Variants in CDH2 observed in about 807,000 individuals in gnomAD.
CDH2 encodes the protein cadherin 2, also known as cadherin-2.
CDH2 carries 17 observed loss-of-function variants against 92.0 expected under a neutral mutation model. That is an observed-to-expected ratio of 0.18 (90% confidence interval 0.13 to 0.28). CDH2 has a LOEUF of 0.28. Ranked by LOEUF, CDH2 falls within the 10% of genes least tolerant of loss-of-function variation. CDH2 has a pLI of 1.00. For synonymous variants in CDH2, 419 were observed against 415.9 expected (o/e 1.01, Z -0.09); for missense variants, 862 against 1,133.1 (o/e 0.76, Z 3.44).
At chr18:28,156,936 TCTC>T (rs2016228861) in intron 1 of CDH2, among the ~76,000 whole-genome samples, 1 of 152,148 alleles carries the variant, frequency 6.6e-6, no homozygotes, top group Admixed American at 6.5e-5. Context: ...CAATCCCACA[TCTC>T]CTCTGCCAAA....
At chr18:27,992,869 G>C (rs1351058708) in intron 8 of CDH2, 29 bp from the exon 9 acceptor site, 1 of 1,582,848 alleles carries the variant, frequency 6.3e-7, no homozygotes, top group African/African-American at 1.3e-5. Context: ...TCAGTCAGAG[G>C]AGGGGCATGG....
Position 27,991,874 on chromosome 18 carries a change from G to A in CDH2, c.1344+781C>T, listed in dbSNP as rs140981849. On this transcript the variant is annotated intron_variant, in intron 9 of 15. Coordinates refer to ENST00000269141, the MANE Select transcript of CDH2 (RefSeq NM_001792.5). ...TTACAAATCAAGAGTGCTTAAGTGG[G>A]AGGCAAAGAAGTAAATCTCTTTACT... Among the ~76,000 whole-genome samples, 297 of 152,312 alleles carry A rather than the reference G, an allele frequency of 1.9e-3. 5 individuals are homozygous for A. Among genetic ancestry groups the A allele is most frequent in the African/African-American group, 6.9e-3 (288 of 41,576 alleles).
intron 11 of CDH2, 39 bp downstream of exon 11, chr18:27,988,483 ACT>A: frequency 6.4e-7 from 1 of 1,571,970 alleles, no homozygotes; most frequent in Non-Finnish European, 8.7e-7. Context: ...ATGAGGATCT[ACT>A]GTCTTTCATC....
intron 2 of CDH2, among the ~76,000 whole-genome samples, chr18:28,021,968 G>A (rs2013421871): frequency 6.6e-6 from 1 of 151,904 alleles, no homozygotes; most frequent in Admixed American, 6.6e-5. Context: ...CACAGCCACA[G>A]AGCAGTATTT....
At chr18:27,947,780 T>TGTGATGTAAGTAC (rs1555626724), downstream of CDH2, among the ~76,000 whole-genome samples, 6 of 2,540 alleles carry the variant, frequency 2.4e-3, no homozygotes, top group African/African-American at 2.7e-3. Flanking sequence ...GATATAAGTA[T>TGTGATGTAAGTAC]ATGTGATATA....
Position 28,085,991 on chromosome 18 carries a change from T to A in CDH2, c.172+61682A>T, listed in dbSNP as rs1188627380. Among the ~76,000 whole-genome samples, 3 of 152,170 alleles carry A rather than the reference T, an allele frequency of 2.0e-5. No homozygotes were observed. The East Asian group carries it at 5.8e-4, about 29-fold the overall frequency. On this transcript the variant is annotated intron_variant, in intron 2 of 15. Transcript: ENST00000269141. Reference sequence around the variant, plus strand: ...TAAAAATATTATCCATCTGGAATCATGCTCACCACTGTATTATAAACTTGT... The same window carrying A: ...TAAAAATATTATCCATCTGGAATCAAGCTCACCACTGTATTATAAACTTGT...
At position 28,006,898 on chromosome 18, in the gene CDH2, T is replaced by A. The variant is rs117381168; in HGVS notation, c.703-905A>T. 9.9e-3 allele frequency among the ~76,000 whole-genome samples: 1,500 copies of A among 151,452 alleles called. 10 individuals are homozygous for A. The highest frequency in any genetic ancestry group is 0.016 in the Non-Finnish European group (1,090 of 67,852). ...TATACTAGTATATGGCTGGGCACAG[T>A]GAGTAGCTCATGCCTGTAATCTCAG... On this transcript the variant is annotated intron_variant, in intron 5 of 15. Coordinates refer to ENST00000269141, the MANE Select transcript of CDH2 (RefSeq NM_001792.5).
chr18:28,176,879 C>G (rs2016552819), intron 1 of CDH2, 84 bp downstream of exon 1: 4 of 765,106 alleles, frequency 5.2e-6, no homozygotes, highest in Non-Finnish European at 5.0e-6. Flanking sequence ...GCAGCCCGGC[C>G]CCGCAGCGGC....
At chr18:28,016,085 G>C (rs2013238453) in intron 2 of CDH2, among the ~76,000 whole-genome samples, 1 of 152,160 alleles carries the variant, frequency 6.6e-6, no homozygotes, top group South Asian at 2.1e-4. Flanking sequence ...CCTTTCACAA[G>C]ATTTCGGCCT....
In CDH2 at chr18:27,985,537, G is replaced by A. The variant is rs200324494; in HGVS notation, c.1966C>T (p.Arg656Trp). 2 of 1,603,770 alleles carry A rather than the reference G, an allele frequency of 1.2e-6. No individual in the cohort carries two copies. Among genetic ancestry groups the A allele is most frequent in the African/African-American group, 1.3e-5 (1 of 74,804 alleles). Residue 656 changes from arginine (R) to tryptophan (W), a missense_variant, in exon 12 of 16, where the codon CGG (arginine) becomes TGG (tryptophan). Physicochemically the swap from Arg to Trp is moderately radical, Grantham distance 101. This residue lies in a region of CDH2 where 564 missense variants were observed against 722.2 expected (regional missense o/e 0.78). Coordinates refer to ENST00000269141, the MANE Select transcript of CDH2 (RefSeq NM_001792.5). ...ATTAACCTGTTCTTACCATTAAGCCGAGTGATGGTCCAATTTCTCTTAATA... is the reference window on the plus strand; with the variant it reads ...ATTAACCTGTTCTTACCATTAAGCCAAGTGATGGTCCAATTTCTCTTAATA... ...VTIKRNWTIT[R>W]LNGDFAQLNL...
At chr18:27,961,434 C>A (rs895137884) in intron 15 of CDH2, among the ~76,000 whole-genome samples, 1 of 151,978 alleles carries the variant, frequency 6.6e-6, no homozygotes, top group Non-Finnish European at 1.5e-5. Flanking sequence ...TCAAGGAAGG[C>A]CTCACAGAGA....
chr18:28,006,826 T>A (rs2012937998), intron 5 of CDH2, among the ~76,000 whole-genome samples: 1 of 152,022 alleles, frequency 6.6e-6, no homozygotes, highest in South Asian at 2.1e-4. Context: ...TTGACACTAG[T>A]TTTTTTCTTT....
chr18:28,156,863 G>A (rs910971949), intron 1 of CDH2, among the ~76,000 whole-genome samples: 2 of 151,814 alleles, frequency 1.3e-5, no homozygotes, highest in African/African-American at 4.9e-5. Context: ...CAGGAGTAGA[G>A]CCTATCAGGG....
downstream of CDH2, chr18:27,950,852 A>G (rs1340353283): frequency 6.6e-6 from 1 of 152,278 alleles, no homozygotes; most frequent in Non-Finnish European, 1.5e-5. Context: ...ACGCGTTTCA[A>G]TGGTGAATAG....
intron 2 of CDH2, among the ~76,000 whole-genome samples, chr18:28,130,862 T>C (rs991872531): frequency 3.9e-5 from 6 of 152,182 alleles, no homozygotes; most frequent in Non-Finnish European, 5.9e-5. Flanking sequence ...GTGAGACTTA[T>C]TAAGTTTTGG....
chr18:28,172,352 G>A (rs1241463594), intron 1 of CDH2, among the ~76,000 whole-genome samples: 3 of 152,174 alleles, frequency 2.0e-5, no homozygotes, highest in South Asian at 2.1e-4. Context: ...CATACATGCA[G>A]AAGATATAGC....
Position 28,128,431 on chromosome 18 carries a change from A to G in CDH2, c.172+19242T>C, listed in dbSNP as rs566732183. Reference sequence around the variant, plus strand: ...GACTGCTGACAGGGCACGGTGACTCACACCTTAATCCCAGCACTTGGGAAG... The same window carrying G: ...GACTGCTGACAGGGCACGGTGACTCGCACCTTAATCCCAGCACTTGGGAAG... On this transcript the variant is annotated intron_variant, in intron 2 of 15. Coordinates refer to ENST00000269141, the MANE Select transcript of CDH2 (RefSeq NM_001792.5). Among the ~76,000 whole-genome samples the G allele has an allele frequency of 6.6e-5, 10 of 152,252 alleles. No individual in the cohort carries two copies. In the East Asian group the frequency reaches 1.9e-3, roughly 29 times the overall value.
chr18:27,999,724 TTG>T (rs1161498049), intron 7 of CDH2, among the ~76,000 whole-genome samples: 1 of 151,428 alleles, frequency 6.6e-6, no homozygotes, highest in African/African-American at 2.4e-5. Context: ...GTGTGTGTGT[TTG>T]TGTATATATA....
At chr18:27,945,591 C>A (rs890985940) in intron 6 of CDH2, among the ~76,000 whole-genome samples, 1 of 151,974 alleles carries the variant, frequency 6.6e-6, no homozygotes, top group East Asian at 1.9e-4. Context: ...AGCTACAATG[C>A]GGTAAACATG....
Sources: gnomAD v4.1 joint callset for allele counts (sites outside exome capture counted in the v4.1 genomes callset) on GRCh38, gnomAD v4.1.1 for gene constraint, gnomAD v4.1.1 regional missense constraint, MANE v1.5 for transcripts, NCBI Gene and HGNC (gene_info 2026-07-23, HGNC 2026-07-21) for gene names.